Variants in PPP6R2 observed in about 807,000 individuals in gnomAD.
The protein encoded by PPP6R2 is serine/threonine-protein phosphatase 6 regulatory subunit 2.
In PPP6R2, 62 loss-of-function variants were observed where a neutral mutation model predicts 100.2. That is an observed-to-expected ratio of 0.62 (90% confidence interval 0.50 to 0.76). The LOEUF is 0.76. Ranked by LOEUF, PPP6R2 falls within the 30% of genes least tolerant of loss-of-function variation. The pLI is 0.00. For missense variants in PPP6R2, 1,142 were observed against 1,276.3 expected, an observed-to-expected ratio of 0.89 and a Z score of 1.60; for synonymous variants, 525 against 514.7, an observed-to-expected ratio of 1.02 and a Z score of -0.27.
At position 50,431,059 on chromosome 22, in the gene PPP6R2, T is replaced by C. The variant is rs1236890391; in HGVS notation, c.1126-114T>C. ...AACTCCTTCCTAGCTACCCAGAGAC[T>C]GGACTTGTGAGGAGTTAGGACGCCA... is the stretch of plus-strand genomic sequence containing the variant. On this transcript the variant is annotated intron_variant, in intron 10 of 23. Transcript: ENST00000612753. This position sits in a 1 kb window ranked among gnomAD's most constrained non-coding sequence, Gnocchi z 4.8. The C allele has an allele frequency of 5.0e-6, 4 of 802,728 alleles. No homozygotes were observed. The East Asian group carries it at 7.3e-5, about 15-fold the overall frequency. 49.7% of individuals were successfully genotyped at this position (802,728 alleles called of 1,614,324 possible). A position where few individuals can be genotyped will look rare whatever the true frequency, so the allele number is the denominator to read the frequency against.
rs185906968 is a variant in PPP6R2 at position 50,442,773 on chromosome 22, C to T, written c.2580-1093C>T. On this transcript the variant is annotated intron_variant, in intron 22 of 23. Coordinates refer to ENST00000612753, the MANE Select transcript of PPP6R2 (RefSeq NM_001242898.2). ...TTCACTGTGTTAGCCAGTATGGTCT[C>T]GATCTCCTGACCTCATGATCCGCCT... 5.3e-5 allele frequency among the ~76,000 whole-genome samples: 8 copies of T among 151,744 alleles called. No homozygotes were observed. The East Asian group carries it at 6.0e-4, about 11-fold the overall frequency.
chr22:50,398,574 G>A (rs1168635609), intron 3 of PPP6R2, among the ~76,000 whole-genome samples: 2 of 147,282 alleles, frequency 1.4e-5, no homozygotes, highest in Non-Finnish European at 1.5e-5. Context: ...GGAGTGCAGT[G>A]GCGCGATCTT....
the PPP6R2 span, among the ~76,000 whole-genome samples, chr22:50,333,339 CTT>C: frequency 1.3e-4 from 18 of 140,558 alleles, no homozygotes; most frequent in Non-Finnish European, 1.4e-4. Context: ...TGTTCTTTTT[CTT>C]TTTTTTTTTT....
chr22:50,396,901 T>G (rs1309371845), intron 3 of PPP6R2, among the ~76,000 whole-genome samples: 1 of 152,164 alleles, frequency 6.6e-6, no homozygotes, highest in African/African-American at 2.4e-5. Context: ...TGCTGTGGCT[T>G]CTGGTCACAC....
At chr22:50,357,673 GT>G (rs1275478874) in intron 1 of PPP6R2, among the ~76,000 whole-genome samples, 1 of 151,324 alleles carries the variant, frequency 6.6e-6, no homozygotes, top group Admixed American at 6.6e-5. Flanking sequence ...TGTCACCCAG[GT>G]TGGAGTGCAG....
chr22:50,397,387 C>T (rs975804349), intron 3 of PPP6R2, among the ~76,000 whole-genome samples: 4 of 152,264 alleles, frequency 2.6e-5, no homozygotes, highest in African/African-American at 9.6e-5. Context: ...GAAAGCTTTG[C>T]CTTCCATTGT....
chr22:50,361,800 G>A (rs182005456), intron 1 of PPP6R2, among the ~76,000 whole-genome samples: 8 of 152,222 alleles, frequency 5.3e-5, no homozygotes, highest in African/African-American at 1.9e-4. Flanking sequence ...GTCTTGTGGT[G>A]CGCGTAGGTG....
At chr22:50,424,234 C>T (rs150201362) in intron 10 of PPP6R2, among the ~76,000 whole-genome samples, 110 of 152,282 alleles carry the variant, frequency 7.2e-4, no homozygotes, top group African/African-American at 2.0e-3. Context: ...ACGCAGCCCC[C>T]GTCTTCTGCC....
Position 50,395,613 on chromosome 22 carries a change from T to A in PPP6R2, c.227+1478T>A, listed in dbSNP as rs76014373. 6.9e-3 allele frequency among the ~76,000 whole-genome samples: 1,058 copies of A among 152,266 alleles called. 6 individuals carry two copies. The highest frequency in any genetic ancestry group is 0.031 in the South Asian group (148 of 4,818). On this transcript the variant is annotated intron_variant, in intron 3 of 23. Transcript: ENST00000612753. Reference sequence around the variant, plus strand: ...TCTCACTCCATCGCCCAGGCTGGGGTGCAGTGGCATGATCTCGGCTCACTA... The same window carrying A: ...TCTCACTCCATCGCCCAGGCTGGGGAGCAGTGGCATGATCTCGGCTCACTA...
At chr22:50,353,866 T>A (rs1184431701) in intron 1 of PPP6R2, among the ~76,000 whole-genome samples, 2 of 142,474 alleles carry the variant, frequency 1.4e-5, no homozygotes, top group Non-Finnish European at 1.6e-5. Context: ...AAAATATTTT[T>A]AAAAAATTTT....
chr22:50,439,874 C>T lies in PPP6R2; in HGVS notation c.2285+17C>T, dbSNP rs2065195206. The T allele has an allele frequency of 6.2e-7, 1 of 1,609,402 alleles. No homozygotes were observed. Among genetic ancestry groups the T allele is most frequent in the Non-Finnish European group, 8.5e-7 (1 of 1,176,894 alleles). ...TTTCTGCTGGTAACAAATGCGCTGG[C>T]AGGAGGGGGCTGTGCCAGGAAGTGC... On this transcript the variant is annotated intron_variant, in intron 20 of 23. Transcript: ENST00000612753.
Position 50,431,524 on chromosome 22 carries a change from C to T in PPP6R2, c.1335+142C>T. The T allele has an allele frequency of 1.4e-6, 1 of 728,990 alleles. No homozygotes were observed. The highest frequency in any genetic ancestry group is 2.7e-5 in the Admixed American group (1 of 37,438). 45.2% of individuals were successfully genotyped at this position (728,990 alleles called of 1,614,324 possible). A position where few individuals can be genotyped will look rare whatever the true frequency, so the allele number is the denominator to read the frequency against. ...TGAAAAGGGTCCCCAGGTGTCTGGT[C>T]AGACGCTCGTAGACAGTGGGGCTTG... On this transcript the variant is annotated intron_variant, in intron 11 of 23. Transcript: ENST00000612753. The surrounding 1 kb of genome is among the most constrained non-coding windows in gnomAD (Gnocchi z 4.8).
chr22:50,393,989 A>G lies in PPP6R2; in HGVS notation c.81A>G (p.Leu27=), dbSNP rs146911057. 74 of 1,614,046 alleles carry G rather than the reference A, an allele frequency of 4.6e-5. No homozygotes were observed. In the African/African-American group the frequency reaches 9.2e-4, roughly 20 times the overall value. ...AGGAGCATGTGACGCTGCAGGAGTTAATGGATGAAGATGACATCTTGCAGG... is the reference window on the plus strand; with the variant it reads ...AGGAGCATGTGACGCTGCAGGAGTTGATGGATGAAGATGACATCTTGCAGG... ...LDKEHVTLQE[L]MDEDDILQEC... is the part of the protein sequence containing the mutation. The change falls in exon 3 of 24, where the codon TTA becomes TTG. Residue 27 remains leucine, a synonymous_variant. Transcript: ENST00000612753.
intron 1 of PPP6R2, among the ~76,000 whole-genome samples, chr22:50,357,152 C>T (rs745904534): frequency 1.4e-4 from 21 of 152,050 alleles, no homozygotes; most frequent in South Asian, 6.2e-4. Flanking sequence ...AGGTGCCTTA[C>T]GGGCCATTCG....
intron 1 of PPP6R2, among the ~76,000 whole-genome samples, chr22:50,359,636 T>G (rs1387057298): frequency 2.0e-5 from 3 of 152,218 alleles, no homozygotes; most frequent in Non-Finnish European, 2.9e-5. Flanking sequence ...TTAAATTAAT[T>G]GATTTTCGGG....
Position 50,422,313 on chromosome 22 carries a change from G to T in PPP6R2, c.905G>T (p.Ser302Ile). 6.2e-7 allele frequency: 1 copy of T among 1,614,060 alleles called. No individual in the cohort carries two copies. The highest frequency in any genetic ancestry group is 8.5e-7 in the Non-Finnish European group (1 of 1,179,952). ...QGLERSYAVS[S>I]SVLHGIEPRL... ...CTGGAAAGGTCATACGCTGTCAGCA[G>T]CAGCGTACTACACGGCATCGAGCCT... The change falls in exon 9 of 24, where the codon AGC (serine) becomes ATC (isoleucine). Residue 302 changes from serine to isoleucine, a missense_variant. By Grantham distance (142) the Ser-to-Ile change is moderately radical. Coordinates refer to ENST00000612753, the MANE Select transcript of PPP6R2 (RefSeq NM_001242898.2).
chr22:50,405,893 A>G (rs1477089628), intron 3 of PPP6R2, among the ~76,000 whole-genome samples: 1 of 135,496 alleles, frequency 7.4e-6, no homozygotes, highest in African/African-American at 2.8e-5. Flanking sequence ...GAGAGAGGTG[A>G]GAGGCCTGGC....
chr22:50,375,689 G>T (rs895254948), intron 2 of PPP6R2, among the ~76,000 whole-genome samples: 3 of 151,986 alleles, frequency 2.0e-5, no homozygotes, highest in African/African-American at 7.3e-5. Flanking sequence ...AGGATTTTTA[G>T]CCCAGTTACA....
chr22:50,406,968 C>T (rs182043670), intron 4 of PPP6R2, 93 bp downstream of exon 4: 181 of 1,291,504 alleles, frequency 1.4e-4, no homozygotes, highest in East Asian at 2.3e-4. Context: ...ACTCATCCTC[C>T]GGCCGCGGGA....
Sources: gnomAD v4.1 joint callset for allele counts (sites outside exome capture counted in the v4.1 genomes callset) on GRCh38, gnomAD v4.1.1 for gene constraint, Gnocchi (gnomAD v3.1) non-coding constraint, MANE v1.5 for transcripts, NCBI Gene and HGNC (gene_info 2026-07-23, HGNC 2026-07-21) for gene names.